The following C19orf47 variants were observed in gnomAD, a reference collection of about 807,000 sequenced individuals.
The protein encoded by C19orf47 is uncharacterized protein C19orf47.
In C19orf47, 18 loss-of-function variants were observed where a neutral mutation model predicts 32.3. That is an observed-to-expected ratio of 0.56 (90% CI 0.39 to 0.83). The LOEUF (loss-of-function observed/expected upper bound fraction) is 0.83. Among genes scored for constraint, C19orf47 ranks in the 40% least tolerant of loss-of-function variants. The pLI, the probability that C19orf47 is intolerant of heterozygous loss-of-function variation, is 0.00. For missense variants in C19orf47, 484 were observed against 531.6 expected, an observed-to-expected ratio of 0.91 and a Z score of 0.88; for synonymous variants, 202 against 211.1, an observed-to-expected ratio of 0.96 and a Z score of 0.37.
chr19:40,346,578 G>C lies in C19orf47; in HGVS notation c.-34+1746C>G, dbSNP rs189235161. 7.5e-4 allele frequency among the ~76,000 whole-genome samples: 110 copies of C among 146,772 alleles called. 2 individuals are homozygous for C. In the East Asian group the frequency reaches 0.021, roughly 27 times the overall value. ...GTCCCACTCTGTCGCCCAGGCTGGA[G>C]TGCAGTGGCGTGATCTCGTCTCACT... On this transcript the variant is annotated intron_variant, in intron 1 of 8. Coordinates refer to ENST00000683109, the MANE Select transcript of C19orf47 (RefSeq NM_001256441.2).
At chr19:40,312,443 G>T in the C19orf47 span, among the ~76,000 whole-genome samples, 13 of 152,174 alleles carry the variant, frequency 8.5e-5, no homozygotes, top group Non-Finnish European at 1.9e-4. Context: ...TACTTGGGAG[G>T]CTGAGGCAGG....
rs1419620942 is a variant in C19orf47 at position 40,322,300 on chromosome 19, C to T, written c.740G>A (p.Ser247Asn). 1 of 1,608,564 alleles carries T rather than the reference C, an allele frequency of 6.2e-7. No individual in the cohort carries two copies. The highest frequency in any genetic ancestry group is 8.5e-7 in the Non-Finnish European group (1 of 1,179,060). Residue 247 changes from serine (S) to asparagine (N), a missense_variant, in exon 9 of 9, where the codon AGC (serine) becomes AAC (asparagine). This residue lies in a region of C19orf47 where 376 missense variants were observed against 370.2 expected (regional missense o/e 1.02). Transcript: ENST00000683109. ...EDLAWDSDNDSSSSVLQYAGV... is the reference protein window; with the variant it reads ...EDLAWDSDNDNSSSVLQYAGV... ...GGCATACTGCAAGACAGAGCTGCTGCTGTCATTGTCGCTGTCCCAAGCCAG... is the reference window on the plus strand; with the variant it reads ...GGCATACTGCAAGACAGAGCTGCTGTTGTCATTGTCGCTGTCCCAAGCCAG...
chr19:40,347,306 G>A (rs1473487384), intron 1 of C19orf47, among the ~76,000 whole-genome samples: 1 of 151,970 alleles, frequency 6.6e-6, no homozygotes, highest in African/African-American at 2.4e-5. Flanking sequence ...GAGGCGGGCA[G>A]ATCACCTGAA....
chr19:40,328,546 G>A lies in C19orf47; in HGVS notation c.306C>T (p.Ala102=), dbSNP rs1231531725. Residue 102 remains alanine, a synonymous_variant, in exon 6 of 9, where the codon GCC becomes GCT. Transcript: ENST00000683109. The part of the protein sequence containing the change: ...AGEIRRGTSA[A]SRMITNSLNH... ...TCAGGCTGTTGGTGATCATTCGGGA[G>A]GCAGCTGTGGGGAGAAAAGGAGAGT... 5 of 1,604,782 alleles carry A rather than the reference G, an allele frequency of 3.1e-6. No individual in the cohort carries two copies. The South Asian group carries it at 4.4e-5, about 14-fold the overall frequency.
chr19:40,345,256 C>T (rs191604895), intron 1 of C19orf47, among the ~76,000 whole-genome samples: 23 of 152,240 alleles, frequency 1.5e-4, no homozygotes, highest in Non-Finnish European at 1.3e-4. Flanking sequence ...AAGACAGCAG[C>T]TCCCAAAACT....
chr19:40,306,831 C>A, the C19orf47 span, among the ~76,000 whole-genome samples: 1 of 150,694 alleles, frequency 6.6e-6, no homozygotes, highest in African/African-American at 2.4e-5. Context: ...TGCTGTTGCC[C>A]AGGCTGGAGT....
chr19:40,331,572 A>C (rs2077953963), intron 5 of C19orf47, among the ~76,000 whole-genome samples: 2 of 152,058 alleles, frequency 1.3e-5, no homozygotes, highest in Non-Finnish European at 1.5e-5. Context: ...CAGGACTTTG[A>C]GGCTACAGTG....
intron 8 of C19orf47, 31 bp from the exon 9 acceptor site, chr19:40,322,407 C>A: frequency 6.5e-7 from 1 of 1,530,890 alleles, no homozygotes; most frequent in South Asian, 1.3e-5. Context: ...ATGAATGAGT[C>A]ACTGAGTCAC....
At chr19:40,318,701 C>T (rs1600157176), downstream of C19orf47, among the ~76,000 whole-genome samples, 1 of 152,136 alleles carries the variant, frequency 6.6e-6, no homozygotes, top group South Asian at 2.1e-4. Flanking sequence ...TGAGGTCAGG[C>T]CTCAGCCAGT....
At chr19:40,293,921 AC>A in the C19orf47 span, among the ~76,000 whole-genome samples, 1 of 151,962 alleles carries the variant, frequency 6.6e-6, no homozygotes, top group African/African-American at 2.4e-5. Context: ...GAGTTAGTAG[AC>A]CAGCCTGATT....
intron 6 of C19orf47, among the ~76,000 whole-genome samples, chr19:40,327,412 C>G (rs925777244): frequency 6.6e-6 from 1 of 151,998 alleles, no homozygotes; most frequent in African/African-American, 2.4e-5. Flanking sequence ...CCTCAGCCTC[C>G]CAAAGTGCTG....
the C19orf47 span, among the ~76,000 whole-genome samples, chr19:40,306,098 C>T: frequency 6.8e-6 from 1 of 147,240 alleles, no homozygotes; most frequent in Admixed American, 6.9e-5. Flanking sequence ...TTGCAGTGAG[C>T]CAAGATCGCA....
At chr19:40,336,955 T>C (rs2078077994) in intron 2 of C19orf47, among the ~76,000 whole-genome samples, 1 of 152,216 alleles carries the variant, frequency 6.6e-6, no homozygotes, top group African/African-American at 2.4e-5. Flanking sequence ...GTTACTAACA[T>C]GGGCTTCGGA....
chr19:40,309,638 G>A, the C19orf47 span, among the ~76,000 whole-genome samples: 4 of 150,032 alleles, frequency 2.7e-5, no homozygotes, highest in East Asian at 7.8e-4. Flanking sequence ...TCCTCCCCAC[G>A]AACATTTTAC....
the C19orf47 span, among the ~76,000 whole-genome samples, chr19:40,299,984 G>A: frequency 2.6e-5 from 4 of 151,778 alleles, no homozygotes; most frequent in African/African-American, 7.3e-5. Flanking sequence ...AGCCGAGATC[G>A]CACCATTGCA....
chr19:40,332,864 A>G (rs901336118), intron 5 of C19orf47, among the ~76,000 whole-genome samples: 34 of 152,264 alleles, frequency 2.2e-4, no homozygotes, highest in African/African-American at 8.2e-4. Context: ...TCACCCTCTT[A>G]TTTCAGGTCC....
At chr19:40,315,370 G>A (rs764646498), downstream of C19orf47, among the ~76,000 whole-genome samples, 1 of 152,182 alleles carries the variant, frequency 6.6e-6, no homozygotes, top group African/African-American at 2.4e-5. Flanking sequence ...CTAAGGCCAG[G>A]TGTGGTGGCT....
chr19:40,321,427 G>C lies in C19orf47; in HGVS notation c.*455C>G. 1.0e-6 allele frequency: 1 copy of C among 998,966 alleles called. No individual in the cohort carries two copies. Among genetic ancestry groups the C allele is most frequent in the Non-Finnish European group, 1.2e-6 (1 of 838,220 alleles). The allele number at this position is 998,966 out of a possible 1,614,324, so 61.9% of individuals were successfully genotyped here. On this transcript the variant is annotated 3_prime_UTR_variant, in exon 9 of 9. Transcript: ENST00000683109. ...AGAGAGAGAAGTCACAGCAGTGGGG[G>C]GAGGCGCAGAGGAGTGAGGGAGGTC...
intron 5 of C19orf47, among the ~76,000 whole-genome samples, chr19:40,333,026 AGCAGGCAGATCACTT>A (rs1345336865): frequency 6.6e-6 from 1 of 152,100 alleles, no homozygotes; most frequent in Non-Finnish European, 1.5e-5. Context: ...GGGAGGCCGA[AGCAGGCAGATCACTT>A]GAAGTCAGGA....
Sources: gnomAD v4.1 joint callset for allele counts (sites outside exome capture counted in the v4.1 genomes callset) on GRCh38, gnomAD v4.1.1 for gene constraint, gnomAD v4.1.1 regional missense constraint, MANE v1.5 for transcripts, NCBI Gene and HGNC (gene_info 2026-07-23, HGNC 2026-07-21) for gene names.